Variants in RUNX3 observed in about 807,000 individuals in gnomAD.
The protein encoded by RUNX3 is runt-related transcription factor 3.
RUNX3 carries 10 observed loss-of-function variants against 27.7 expected under a neutral mutation model. That is an observed-to-expected ratio of 0.36 (90% CI 0.22 to 0.61). The LOEUF (loss-of-function observed/expected upper bound fraction) is 0.61. RUNX3 is among the 20% of genes least tolerant of loss of function. The pLI is 0.72. For synonymous variants in RUNX3, 270 were observed against 269.2 expected (o/e 1.00, Z -0.03); for missense variants, 469 against 629.5 (o/e 0.75, Z 2.73).
intron 3 of RUNX3, among the ~76,000 whole-genome samples, chr1:24,908,162 ACGCGG>A (rs1158334549): frequency 3.8e-5 from 5 of 132,206 alleles, no homozygotes; most frequent in African/African-American, 1.7e-4. Flanking sequence ...CCTCTACGAC[ACGCGG>A]TGATCCGAAG....
chr1:24,919,477 C>G (rs1640953684), intron 2 of RUNX3, 133 bp from the exon 3 acceptor site: 2 of 587,938 alleles, frequency 3.4e-6, no homozygotes, highest in South Asian at 4.1e-5. Flanking sequence ...TGAACATGGG[C>G]AGAAGATAGG....
chr1:24,948,059 G>A (rs1468346068), intron 2 of RUNX3, among the ~76,000 whole-genome samples: 1 of 152,214 alleles, frequency 6.6e-6, no homozygotes, highest in Non-Finnish European at 1.5e-5. Flanking sequence ...TTCTGAGCTG[G>A]GGCCCTGACT....
At chr1:24,921,109 C>G (rs1044431306) in intron 2 of RUNX3, among the ~76,000 whole-genome samples, 1 of 152,160 alleles carries the variant, frequency 6.6e-6, no homozygotes, top group African/African-American at 2.4e-5. Flanking sequence ...GAGAGGCTGC[C>G]CAAGCGCATC....
At chr1:24,940,754 G>A (rs368319827) in intron 2 of RUNX3, among the ~76,000 whole-genome samples, 22 of 151,688 alleles carry the variant, frequency 1.5e-4, no homozygotes, top group African/African-American at 5.1e-4. Context: ...AAAAAATCAG[G>A]AGAGTGGTCC....
rs749620241 is a variant in RUNX3, at chr1:24,916,587, C to T, written c.544+2653G>A. On this transcript the variant is annotated intron_variant, in intron 3 of 4. Coordinates refer to ENST00000308873, the MANE Select transcript of RUNX3 (RefSeq NM_004350.3). The surrounding 1 kb of genome is among the most constrained non-coding windows in gnomAD (Gnocchi z 4.8). ...GTCCCTTCACTCTTACAGATGGGGACGCTGAGGACCCGAAAGGCCAAGGAT... is the reference window on the plus strand; with the variant it reads ...GTCCCTTCACTCTTACAGATGGGGATGCTGAGGACCCGAAAGGCCAAGGAT... Among the ~76,000 whole-genome samples the T allele has an allele frequency of 2.9e-4, 44 of 152,076 alleles. No individual in the cohort carries two copies. The highest frequency in any genetic ancestry group is 4.3e-4 in the African/African-American group (18 of 41,394).
intron 3 of RUNX3, among the ~76,000 whole-genome samples, chr1:24,915,814 G>A (rs1640878883): frequency 6.6e-6 from 1 of 152,140 alleles, no homozygotes. Context: ...GGGGGCGTGA[G>A]GGCCTTTCCC....
Position 24,900,618 on chromosome 1 carries a change from G to A in RUNX3, c.*1504C>T, listed in dbSNP as rs1640519988. Reference sequence around the variant, plus strand: ...AGTGCAGCTGAGCTGCGGCTGGAGAGCCCTTTACAGTGCTTCTGTCCTGCC... The same window carrying A: ...AGTGCAGCTGAGCTGCGGCTGGAGAACCCTTTACAGTGCTTCTGTCCTGCC... On this transcript the variant is annotated 3_prime_UTR_variant, in exon 5 of 5. Transcript: ENST00000308873. 1 of 152,392 alleles carries A rather than the reference G, an allele frequency of 6.6e-6. No homozygotes were observed. Among genetic ancestry groups the A allele is most frequent in the Non-Finnish European group, 1.5e-5 (1 of 68,060 alleles). The allele number at this position is 152,392 out of a possible 1,614,324, so 9.4% of individuals were successfully genotyped here.
chr1:24,901,654 G>A lies in RUNX3; in HGVS notation c.*468C>T, dbSNP rs1365585225. The A allele has an allele frequency of 1.8e-5, 3 of 163,298 alleles. No individual in the cohort carries two copies. Among genetic ancestry groups the A allele is most frequent in the Non-Finnish European group, 4.0e-5 (3 of 75,398 alleles). 10.1% of individuals were successfully genotyped at this position (163,298 alleles called of 1,614,324 possible). A position where few individuals can be genotyped will look rare whatever the true frequency, so the allele number is the denominator to read the frequency against. ...ACTCAAATCTGTGTAAATGCAGAGG[G>A]GGCTGGACCCAGGGGATGCAGGGGC... On this transcript the variant is annotated 3_prime_UTR_variant, in exon 5 of 5. Transcript: ENST00000308873.
At chr1:24,939,863 C>T (rs1430227536) in intron 2 of RUNX3, among the ~76,000 whole-genome samples, 1 of 152,230 alleles carries the variant, frequency 6.6e-6, no homozygotes, top group Non-Finnish European at 1.5e-5. Flanking sequence ...AAGGGCAGGG[C>T]ACTAGCCTAG....
intron 3 of RUNX3, among the ~76,000 whole-genome samples, chr1:24,909,503 C>G (rs1640756234): frequency 6.6e-6 from 1 of 152,192 alleles, no homozygotes; most frequent in Non-Finnish European, 1.5e-5. Flanking sequence ...GGACAGTAAT[C>G]CAGCCCCACA....
intron 3 of RUNX3, among the ~76,000 whole-genome samples, chr1:24,915,552 G>A (rs1022996341): frequency 1.3e-5 from 2 of 152,242 alleles, no homozygotes; most frequent in African/African-American, 4.8e-5. Flanking sequence ...GGAAAAGGGG[G>A]AGAGGTGAGG....
intron 2 of RUNX3, among the ~76,000 whole-genome samples, chr1:24,953,564 G>A (rs1222713479): frequency 2.0e-5 from 3 of 152,128 alleles, no homozygotes; most frequent in Non-Finnish European, 4.4e-5. Context: ...CGGGATTCAC[G>A]TGCCCCTGGT....
At chr1:24,956,577 C>G (rs550795385) in intron 2 of RUNX3, among the ~76,000 whole-genome samples, 1 of 152,176 alleles carries the variant, frequency 6.6e-6, no homozygotes, top group Non-Finnish European at 1.5e-5. Context: ...TTCTCCACCC[C>G]CCCTGGACCT....
intron 3 of RUNX3, among the ~76,000 whole-genome samples, chr1:24,918,119 A>G (rs1640924129): frequency 6.6e-6 from 1 of 152,170 alleles, no homozygotes; most frequent in African/African-American, 2.4e-5. Context: ...TGCTGGACTC[A>G]GCTCCAAGCC....
At chr1:24,913,640 C>T (rs1041360166) in intron 3 of RUNX3, among the ~76,000 whole-genome samples, 3 of 152,226 alleles carry the variant, frequency 2.0e-5, no homozygotes, top group Admixed American at 2.0e-4. Flanking sequence ...AAAGTGGGAG[C>T]AGGAATGCTG....
rs1161102122 is a variant in RUNX3 at position 24,923,727 on chromosome 1, G to C, written c.439+3847C>G. 6.6e-6 allele frequency among the ~76,000 whole-genome samples: 1 copy of C among 152,120 alleles called. No individual in the cohort carries two copies. Among genetic ancestry groups the C allele is most frequent in the African/African-American group, 2.4e-5 (1 of 41,388 alleles). On this transcript the variant is annotated intron_variant, in intron 2 of 4. Transcript: ENST00000308873. This position sits in a 1 kb window ranked among gnomAD's most constrained non-coding sequence, Gnocchi z 5.9. Reference sequence around the variant, plus strand: ...CGTGTCTCAGTCTCAGGGGACCTCGGGGTTTTCTCAGCTTCAGCCAAGAAG... The same window carrying C: ...CGTGTCTCAGTCTCAGGGGACCTCGCGGTTTTCTCAGCTTCAGCCAAGAAG...
intron 2 of RUNX3, among the ~76,000 whole-genome samples, chr1:24,959,438 G>A (rs779668052): frequency 8.5e-5 from 13 of 152,210 alleles, no homozygotes; most frequent in South Asian, 2.1e-4. Flanking sequence ...CCTAGCAGAC[G>A]TGGCGCCAGG....
intron 2 of RUNX3, among the ~76,000 whole-genome samples, chr1:24,942,396 G>A (rs1031160911): frequency 6.6e-6 from 1 of 152,192 alleles, no homozygotes; most frequent in African/African-American, 2.4e-5. Context: ...AAATAAGCAC[G>A]CCAATATTTG....
intron 2 of RUNX3, 187 bp from the exon 3 acceptor site, chr1:24,919,531 C>CCTGGGGGT: frequency 2.0e-6 from 1 of 502,084 alleles, no homozygotes; most frequent in Non-Finnish European, 3.5e-6. Context: ...ATTCAAGGCC[C>CCTGGGGGT]CTGGGGGTCT....
Sources: gnomAD v4.1 joint callset for allele counts (sites outside exome capture counted in the v4.1 genomes callset) on GRCh38, gnomAD v4.1.1 for gene constraint, Gnocchi (gnomAD v3.1) non-coding constraint, MANE v1.5 for transcripts, NCBI Gene and HGNC (gene_info 2026-07-23, HGNC 2026-07-21) for gene names.